Variants in PRKG1 observed in about 807,000 individuals in gnomAD.
PRKG1 encodes cGMP-dependent protein kinase 1.
Under a neutral mutation model 88.1 loss-of-function variants are expected in PRKG1, and 35 were observed. That is an observed-to-expected ratio of 0.40 (90% CI 0.30 to 0.53). The LOEUF (loss-of-function observed/expected upper bound fraction) is 0.53. Ranked by LOEUF, PRKG1 falls within the 20% of genes least tolerant of loss-of-function variation. The pLI, the probability that PRKG1 is intolerant of heterozygous loss-of-function variation, is 0.59. For missense variants in PRKG1, 540 were observed against 839.8 expected, an observed-to-expected ratio of 0.64 and a Z score of 4.41; for synonymous variants, 303 against 292.5, an observed-to-expected ratio of 1.04 and a Z score of -0.37.
chr10:51,233,661 G>A (rs1473571496), intron 2 of PRKG1, among the ~76,000 whole-genome samples: 1 of 152,168 alleles, frequency 6.6e-6, no homozygotes, highest in African/African-American at 2.4e-5. Context: ...TTACCTCAGT[G>A]TATGGCTTAG....
chr10:52,058,365 G>GA (rs1184407893), intron 6 of PRKG1, among the ~76,000 whole-genome samples: 4 of 151,864 alleles, frequency 2.6e-5, no homozygotes, highest in Non-Finnish European at 4.4e-5. Context: ...ACAGTCTAAA[G>GA]AAAAAAATCA....
chr10:52,271,542 C>T, intron 11 of PRKG1, 53 bp downstream of exon 11: 3 of 1,575,808 alleles, frequency 1.9e-6, no homozygotes, highest in East Asian at 2.3e-5. Flanking sequence ...GACAAATCCA[C>T]CACAAAACCC....
chr10:51,752,349 T>C (rs761376480), intron 3 of PRKG1, among the ~76,000 whole-genome samples: 3 of 152,224 alleles, frequency 2.0e-5, no homozygotes, highest in Non-Finnish European at 4.4e-5. Context: ...CTATCTGCCT[T>C]ATGAGGCAGG....
intron 2 of PRKG1, among the ~76,000 whole-genome samples, chr10:51,357,879 G>A (rs1842399425): frequency 6.6e-6 from 1 of 151,768 alleles, no homozygotes; most frequent in South Asian, 2.1e-4. Context: ...TATAACCCAT[G>A]CTGTTTATAA....
intron 4 of PRKG1, among the ~76,000 whole-genome samples, chr10:51,840,280 TTC>T (rs935637049): frequency 2.6e-5 from 4 of 152,282 alleles, no homozygotes; most frequent in African/African-American, 9.6e-5. Context: ...GATTTTTTTT[TTC>T]TCTTTTCAAC....
At chr10:51,371,490 ACAAAC>A in intron 2 of PRKG1, among the ~76,000 whole-genome samples, 1 of 152,216 alleles carries the variant, frequency 6.6e-6, no homozygotes, top group African/African-American at 2.4e-5. Flanking sequence ...TGAATACAAA[ACAAAC>A]AAAAAATATT....
At chr10:51,443,016 G>T (rs546961549) in intron 2 of PRKG1, among the ~76,000 whole-genome samples, 186 of 152,144 alleles carry the variant, frequency 1.2e-3, no homozygotes, top group African/African-American at 4.2e-3. Flanking sequence ...GGTCAAAGCC[G>T]TTGTAGTGCC....
chr10:51,889,999 T>G (rs1335027675), intron 4 of PRKG1, among the ~76,000 whole-genome samples: 1 of 152,202 alleles, frequency 6.6e-6, no homozygotes, highest in Non-Finnish European at 1.5e-5. Flanking sequence ...TTTCTCCCAT[T>G]CTTTAGGTTG....
chr10:51,063,222 T>C (rs1279524778), intron 1 of PRKG1, among the ~76,000 whole-genome samples: 1 of 152,202 alleles, frequency 6.6e-6, no homozygotes, highest in Non-Finnish European at 1.5e-5. Context: ...AGTAAGTTAA[T>C]AGAATACTTC....
At chr10:52,189,372 C>G (rs7084680) in intron 9 of PRKG1, among the ~76,000 whole-genome samples, 118 of 152,294 alleles carry the variant, frequency 7.7e-4, no homozygotes, top group African/African-American at 2.8e-3. Flanking sequence ...TCATCCCAGA[C>G]CAGGGGTTCC....
intron 2 of PRKG1, among the ~76,000 whole-genome samples, chr10:51,458,032 C>T: frequency 6.6e-6 from 1 of 152,018 alleles, no homozygotes; most frequent in Non-Finnish European, 1.5e-5. Flanking sequence ...GTATTTTTTG[C>T]AGGGTATGTG....
intron 1 of PRKG1, among the ~76,000 whole-genome samples, chr10:51,129,792 T>C (rs557948137): frequency 2.0e-5 from 3 of 152,306 alleles, no homozygotes; most frequent in East Asian, 1.9e-4. Context: ...TCTTTTCTCA[T>C]TTGTGATGAC....
chr10:52,107,373 A>C (rs1341527989), intron 7 of PRKG1, among the ~76,000 whole-genome samples: 1 of 152,214 alleles, frequency 6.6e-6, no homozygotes, highest in Non-Finnish European at 1.5e-5. Flanking sequence ...AACAGTCAAG[A>C]AACTAAATGT....
chr10:51,234,553 T>A (rs991325529), intron 2 of PRKG1, among the ~76,000 whole-genome samples: 2 of 152,214 alleles, frequency 1.3e-5, no homozygotes, highest in African/African-American at 4.8e-5. Flanking sequence ...ACAGGATTTA[T>A]CTCTGCTTCA....
intron 2 of PRKG1, among the ~76,000 whole-genome samples, chr10:51,336,356 A>C (rs11818460): frequency 0.3 from 41,713 of 139,396 alleles, 5,816 homozygotes; most frequent in East Asian, 0.35. Context: ...CCATCTCAAA[A>C]AATAAATAAA....
At chr10:51,592,605 A>G (rs983369761) in intron 3 of PRKG1, among the ~76,000 whole-genome samples, 3 of 152,200 alleles carry the variant, frequency 2.0e-5, no homozygotes, top group African/African-American at 7.2e-5. Context: ...CTAGCCAAGA[A>G]CAGCAGACAC....
At chr10:52,071,289 T>C (rs1373882927) in intron 7 of PRKG1, among the ~76,000 whole-genome samples, 2 of 152,136 alleles carry the variant, frequency 1.3e-5, no homozygotes, top group Non-Finnish European at 2.9e-5. Context: ...AACCCTTGCC[T>C]CCATCTCTGC....
chr10:52,177,075 G>T (rs1180193285), intron 9 of PRKG1, among the ~76,000 whole-genome samples: 1 of 152,056 alleles, frequency 6.6e-6, no homozygotes, highest in Non-Finnish European at 1.5e-5. Flanking sequence ...TGGTGAGGTT[G>T]AGTATCCTTG....
chr10:51,774,533 G>GT (rs374984807), intron 3 of PRKG1, among the ~76,000 whole-genome samples: 2 of 151,830 alleles, frequency 1.3e-5, no homozygotes, highest in Non-Finnish European at 2.9e-5. Flanking sequence ...AGTGTAATGG[G>GT]TTTTTTTAAG....
Sources: allele counts gnomAD v4.1 joint callset (sites outside exome capture counted in the v4.1 genomes callset), GRCh38; gene constraint gnomAD v4.1.1; transcripts MANE v1.5; gene names NCBI Gene and HGNC (gene_info 2026-07-23, HGNC 2026-07-21).